Variants in MIPOL1 observed in about 807,000 individuals in gnomAD.
The protein encoded by MIPOL1 is mirror-image polydactyly gene 1 protein.
Under a neutral mutation model 60.9 loss-of-function variants are expected in MIPOL1, and 57 were observed. That is an observed-to-expected ratio of 0.94 (90% CI 0.76 to 1.17). The LOEUF is 1.17. MIPOL1 is among the 50% of genes most tolerant of loss of function. The pLI is 0.00. For synonymous variants in MIPOL1, 179 were observed against 168.8 expected (o/e 1.06, Z -0.47); for missense variants, 551 against 511.6 (o/e 1.08, Z -0.74).
rs2094363438 is a variant in MIPOL1, at chr14:37,448,050, G to C, written c.1031+25101G>C. ...TACTTTTGAGTACCTCTCATTACAA[G>C]GCTGCAAACTGGATATGCTCTTAAA... On this transcript the variant is annotated intron_variant, in intron 11 of 12. Transcript: ENST00000684589. 2.0e-5 allele frequency among the ~76,000 whole-genome samples: 3 copies of C among 152,044 alleles called. No homozygotes were observed. In the South Asian group the frequency reaches 6.2e-4, roughly 32 times the overall value.
chr14:37,391,477 C>G (rs12880136), intron 10 of MIPOL1, among the ~76,000 whole-genome samples: 1 of 150,776 alleles, frequency 6.6e-6, no homozygotes, highest in African/African-American at 2.4e-5. Flanking sequence ...CTCCCTGCAA[C>G]CTCCACCTTT....
intron 9 of MIPOL1, among the ~76,000 whole-genome samples, chr14:37,367,004 T>C (rs908800994): frequency 6.6e-6 from 1 of 152,002 alleles, no homozygotes; most frequent in East Asian, 1.9e-4. Flanking sequence ...AGTGACAAAT[T>C]TAACAATTAA....
intron 1 of MIPOL1, among the ~76,000 whole-genome samples, chr14:37,214,187 G>A (rs976265030): frequency 6.6e-6 from 1 of 152,066 alleles, no homozygotes; most frequent in Non-Finnish European, 1.5e-5. Context: ...ACTATGGCAC[G>A]GTAACTGTGG....
intron 12 of MIPOL1, among the ~76,000 whole-genome samples, chr14:37,535,907 T>C (rs1169517565): frequency 6.6e-6 from 1 of 152,180 alleles, no homozygotes; most frequent in African/African-American, 2.4e-5. Context: ...ATTGTCCCTT[T>C]CTTTTCTTTT....
At chr14:37,441,580 C>T (rs903987238) in intron 11 of MIPOL1, among the ~76,000 whole-genome samples, 3 of 151,994 alleles carry the variant, frequency 2.0e-5, no homozygotes, top group Admixed American at 1.3e-4. Flanking sequence ...CTATTCTGTT[C>T]CATTGATCTG....
intron 3 of MIPOL1, among the ~76,000 whole-genome samples, chr14:37,249,903 A>G (rs951200008): frequency 6.6e-6 from 1 of 152,160 alleles, no homozygotes; most frequent in Admixed American, 6.5e-5. Context: ...GAGTTATATT[A>G]AAATTAGAGA....
At chr14:37,219,454 A>G (rs980272996) in intron 1 of MIPOL1, 3 of 152,212 alleles carry the variant, frequency 2.0e-5, no homozygotes, top group African/African-American at 7.2e-5. Context: ...TGCAGCCTCA[A>G]CCTGGGATCA....
chr14:37,255,414 A>G (rs990756656), intron 3 of MIPOL1, among the ~76,000 whole-genome samples: 6 of 151,796 alleles, frequency 4.0e-5, no homozygotes, highest in Non-Finnish European at 7.4e-5. Flanking sequence ...TTTTAAATAC[A>G]TTTTTAAAAA....
intron 1 of MIPOL1, among the ~76,000 whole-genome samples, chr14:37,211,618 T>C (rs1047075026): frequency 3.3e-5 from 5 of 152,078 alleles, no homozygotes; most frequent in Non-Finnish European, 7.4e-5. Context: ...TGTCTCCATA[T>C]AAACTTGAAA....
rs149133529 is a variant in MIPOL1 at position 37,455,604 on chromosome 14, G to GA, written c.1031+32657dup. Among the ~76,000 whole-genome samples the GA allele has an allele frequency of 9.7e-3, 1,479 of 151,888 alleles. 28 individuals carry two copies. Among genetic ancestry groups the GA allele is most frequent in the African/African-American group, 0.034 (1,392 of 41,426 alleles). On this transcript the variant is annotated intron_variant, in intron 11 of 12. Coordinates refer to ENST00000684589, the MANE Select transcript of MIPOL1 (RefSeq NM_001388067.1). Reference sequence around the variant, plus strand: ...CATGCTGCCTCATGCTTTTTTTCAGGAACTGTTCTCTTGTAAATAACTTAC... The same window carrying GA: ...CATGCTGCCTCATGCTTTTTTTCAGGAAACTGTTCTCTTGTAAATAACTTAC...
intron 3 of MIPOL1, among the ~76,000 whole-genome samples, chr14:37,254,108 G>A (rs1290056169): frequency 6.6e-6 from 1 of 151,712 alleles, no homozygotes; most frequent in African/African-American, 2.4e-5. Flanking sequence ...ACTGGCAGCT[G>A]GCCAGCAAGG....
intron 3 of MIPOL1, among the ~76,000 whole-genome samples, chr14:37,259,481 C>T (rs76375923): frequency 0.011 from 1,659 of 151,898 alleles, 34 homozygotes; most frequent in African/African-American, 0.037. Context: ...GCTAGAGGAT[C>T]GCCAGAGCCT....
chr14:37,397,631 A>G (rs1455769898), intron 10 of MIPOL1, among the ~76,000 whole-genome samples: 1 of 151,954 alleles, frequency 6.6e-6, no homozygotes, highest in Non-Finnish European at 1.5e-5. Context: ...AGGGCTAGGT[A>G]TGTCTGAGCT....
chr14:37,270,655 T>TC (rs1466903037), intron 6 of MIPOL1, 130 bp downstream of exon 6: 2 of 451,760 alleles, frequency 4.4e-6, no homozygotes, highest in Non-Finnish European at 7.8e-6. Flanking sequence ...TTTTTTTTTT[T>TC]TTTTTGGCTG....
chr14:37,316,029 ATTT>A (rs374928678), intron 9 of MIPOL1, among the ~76,000 whole-genome samples: 187 of 143,332 alleles, frequency 1.3e-3, no homozygotes, highest in South Asian at 3.8e-3. Flanking sequence ...TATTTATTTA[ATTT>A]TTTTTTTTTT....
At chr14:37,363,566 C>T (rs1421535434) in intron 9 of MIPOL1, among the ~76,000 whole-genome samples, 2 of 152,168 alleles carry the variant, frequency 1.3e-5, no homozygotes, top group Non-Finnish European at 2.9e-5. Flanking sequence ...GAGGTGTCTT[C>T]CAGTTAGGCT....
At chr14:37,273,565 A>G (rs1435081334) in intron 6 of MIPOL1, among the ~76,000 whole-genome samples, 1 of 151,124 alleles carries the variant, frequency 6.6e-6, no homozygotes, top group African/African-American at 2.4e-5. Context: ...CTATATATAT[A>G]TTAGTCCATC....
At chr14:37,235,434 A>G (rs112174508) in intron 1 of MIPOL1, among the ~76,000 whole-genome samples, 6 of 152,186 alleles carry the variant, frequency 3.9e-5, no homozygotes, top group African/African-American at 1.4e-4. Context: ...GTCAAGAACC[A>G]TAGGTTTGAG....
At chr14:37,482,872 A>G (rs2094892259) in intron 11 of MIPOL1, among the ~76,000 whole-genome samples, 1 of 152,186 alleles carries the variant, frequency 6.6e-6, no homozygotes, top group African/African-American at 2.4e-5. Context: ...GCTGTCCCTC[A>G]GTATCTGTTA....
Sources: gnomAD v4.1 joint callset for allele counts (sites outside exome capture counted in the v4.1 genomes callset) on GRCh38, gnomAD v4.1.1 for gene constraint, MANE v1.5 for transcripts, NCBI Gene and HGNC (gene_info 2026-07-23, HGNC 2026-07-21) for gene names.